PTK2B: variants seen among roughly 807,000 people sequenced by gnomAD.
PTK2B encodes protein tyrosine kinase 2 beta.
A neutral mutation model predicts 142.9 loss-of-function variants in PTK2B; 71 were observed. That is an observed-to-expected ratio of 0.50 (90% confidence interval 0.41 to 0.61). The LOEUF (loss-of-function observed/expected upper bound fraction) is 0.61. Ranked by LOEUF, PTK2B falls within the 20% of genes least tolerant of loss-of-function variation. The pLI is 0.00. For missense variants in PTK2B, 1,105 were observed against 1,320.4 expected (o/e 0.84, Z 2.53); for synonymous variants, 519 against 503.4 (o/e 1.03, Z -0.42).
At chr8:27,438,210 G>A (rs1322929334) in intron 18 of PTK2B, among the ~76,000 whole-genome samples, 2 of 152,196 alleles carry the variant, frequency 1.3e-5, no homozygotes, top group Non-Finnish European at 2.9e-5. Context: ...CCAGCTCCCT[G>A]GCTTGGTGGC....
Position 27,454,181 on chromosome 8 carries a change from C to T in PTK2B, c.2623C>T (p.Arg875Trp), listed in dbSNP as rs1434078062. The T allele has an allele frequency of 1.9e-6, 3 of 1,614,132 alleles. No individual in the cohort carries two copies. Among genetic ancestry groups the T allele is most frequent in the East Asian group, 2.2e-5 (1 of 44,872 alleles). ...CATCCAGCCCACAGCTAACCTGGACCGGACTGATGACCTGGTGTACCTCAA... is the reference window on the plus strand; with the variant it reads ...CATCCAGCCCACAGCTAACCTGGACTGGACTGATGACCTGGTGTACCTCAA... Reference protein sequence around the residue: ...QSIQPTANLDRTDDLVYLNVM... With the variant: ...QSIQPTANLDWTDDLVYLNVM... The change falls in exon 29 of 31, where the codon CGG becomes TGG. Residue 875 changes from arginine (R) to tryptophan (W), a missense_variant. By Grantham distance (101) the Arg-to-Trp change is moderately radical (BLOSUM62 -3). Transcript: ENST00000346049.
At chr8:27,367,430 C>G (rs1250289085) in intron 1 of PTK2B, among the ~76,000 whole-genome samples, 1 of 152,190 alleles carries the variant, frequency 6.6e-6, no homozygotes, top group Admixed American at 6.5e-5. Context: ...GGCTTGCCCA[C>G]CTGTCCATGT....
rs188313806 is a variant in PTK2B at position 27,378,922 on chromosome 8, C to T, written c.-37-18626C>T. On this transcript the variant is annotated intron_variant, in intron 1 of 30. Transcript: ENST00000346049. ...CTGACTTCCTGTGTGCTTCAGAAAC[C>T]TCAATGAACAAAGAGCTAAAGGAAG... Among the ~76,000 whole-genome samples, 434 of 152,190 alleles carry T rather than the reference C, an allele frequency of 2.9e-3. 2 individuals are homozygous for T. Among genetic ancestry groups the T allele is most frequent in the Non-Finnish European group, 4.6e-3 (312 of 68,010 alleles).
intron 24 of PTK2B, among the ~76,000 whole-genome samples, chr8:27,450,277 T>G (rs966940556): frequency 6.6e-6 from 1 of 152,184 alleles, no homozygotes; most frequent in African/African-American, 2.4e-5. Flanking sequence ...CCTTGGTCCT[T>G]AGGTGGAGAT....
upstream of PTK2B, among the ~76,000 whole-genome samples, chr8:27,323,619 G>A (rs1178972290): frequency 1.3e-5 from 2 of 152,096 alleles, no homozygotes; most frequent in African/African-American, 4.8e-5. Context: ...GGGCTCCTGA[G>A]GCATTTCTGA....
chr8:27,347,246 G>A lies in PTK2B; in HGVS notation c.-38+21565G>A, dbSNP rs78289091. On this transcript the variant is annotated intron_variant, in intron 1 of 30. Transcript: ENST00000346049. ...AAAAAAAAAATTAACCAAGCATGGT[G>A]GCATGCGCCTGTAATCCCAGCTACT... 7.8e-3 allele frequency among the ~76,000 whole-genome samples: 1,181 copies of A among 152,014 alleles called. 11 individuals are homozygous for A. The highest frequency in any genetic ancestry group is 0.027 in the African/African-American group (1,130 of 41,410).
At chr8:27,448,711 C>T (rs1020136138) in intron 24 of PTK2B, among the ~76,000 whole-genome samples, 1 of 152,222 alleles carries the variant, frequency 6.6e-6, no homozygotes, top group Non-Finnish European at 1.5e-5. Context: ...CCAGAAATCC[C>T]TAACTCTATA....
At chr8:27,447,734 C>T (rs1401964304) in intron 24 of PTK2B, among the ~76,000 whole-genome samples, 1 of 152,138 alleles carries the variant, frequency 6.6e-6, no homozygotes, top group Non-Finnish European at 1.5e-5. Flanking sequence ...GTAGTGTGCA[C>T]CTGTAATCCC....
chr8:27,389,694 G>A (rs1807592915), intron 1 of PTK2B, among the ~76,000 whole-genome samples: 3 of 152,202 alleles, frequency 2.0e-5, no homozygotes, highest in Non-Finnish European at 4.4e-5. Context: ...AATTATAGCT[G>A]GCAATAATCA....
exon 1 of PTK2B, chr8:27,311,630 G>C: frequency 4.5e-6 from 1 of 221,096 alleles, no homozygotes; most frequent in South Asian, 1.2e-4. Flanking sequence ...CCAATCCCCG[G>C]GAACCTCAGG....
rs990953643 is a variant in PTK2B at position 27,397,758 on chromosome 8, G to A, written c.174G>A (p.Leu58=). The change falls in exon 2 of 31, where the codon CTG becomes CTA. Residue 58 remains leucine (L), a synonymous_variant. Transcript: ENST00000346049. ...NSFNPGKNFK[L]VKCTVQTEIR... ...TCAATCCTGGGAAAAACTTCAAACT[G>A]GTCAAATGCACTGTCCAGACGGAGA... 2 of 1,614,110 alleles carry A rather than the reference G, an allele frequency of 1.2e-6. No individual in the cohort carries two copies. Among genetic ancestry groups the A allele is most frequent in the Non-Finnish European group, 1.7e-6 (2 of 1,180,044 alleles).
At chr8:27,373,874 G>A (rs779864676) in intron 1 of PTK2B, among the ~76,000 whole-genome samples, 3 of 151,760 alleles carry the variant, frequency 2.0e-5, no homozygotes, top group African/African-American at 4.8e-5. Context: ...TGAAAAATAC[G>A]CCTCTTGAAC....
chr8:27,446,050 A>G lies in PTK2B; in HGVS notation c.2340+131A>G, dbSNP rs578102359. On this transcript the variant is annotated intron_variant, in intron 24 of 30. Coordinates refer to ENST00000346049, the MANE Select transcript of PTK2B (RefSeq NM_173176.3). ...CCTGTTCCCATGCACCAGTCAGGCC[A>G]CTGAGGTGGCACTCTGTGACTTCCT... The G allele has an allele frequency of 5.3e-4, 722 of 1,353,282 alleles. 1 individual carries two copies. Among genetic ancestry groups the G allele is most frequent in the Non-Finnish European group, 6.7e-4 (671 of 996,564 alleles). The allele number at this position is 1,353,282 out of a possible 1,614,324, so 83.8% of individuals were successfully genotyped here. A position where few individuals can be genotyped will look rare whatever the true frequency, so the allele number is the denominator to read the frequency against.
intron 1 of PTK2B, among the ~76,000 whole-genome samples, chr8:27,341,344 T>C (rs1804387419): frequency 6.6e-6 from 1 of 152,162 alleles, no homozygotes; most frequent in Non-Finnish European, 1.5e-5. Context: ...GAGCTCACAC[T>C]CCGGAAACAT....
intron 1 of PTK2B, among the ~76,000 whole-genome samples, chr8:27,345,102 G>T (rs1161949796): frequency 2.0e-5 from 3 of 152,176 alleles, no homozygotes; most frequent in Non-Finnish European, 4.4e-5. Context: ...GCCAAAGGTT[G>T]CACTAAGCCA....
intron 1 of PTK2B, among the ~76,000 whole-genome samples, chr8:27,361,840 C>G (rs992779838): frequency 6.6e-6 from 1 of 152,078 alleles, no homozygotes; most frequent in African/African-American, 2.4e-5. Context: ...CCCCCTGCTC[C>G]GCTCCACACC....
At chr8:27,316,485 C>T (rs553080327) in intron 3 of PTK2B, among the ~76,000 whole-genome samples, 6 of 152,262 alleles carry the variant, frequency 3.9e-5, no homozygotes, top group African/African-American at 1.4e-4. Flanking sequence ...AAAAACAAAG[C>T]TGGTTTGACT....
chr8:27,365,678 A>ACAC (rs1427035958), intron 1 of PTK2B, among the ~76,000 whole-genome samples: 3 of 152,202 alleles, frequency 2.0e-5, no homozygotes, highest in Non-Finnish European at 1.5e-5. Context: ...AAATGAGTTA[A>ACAC]CATTTGTCAC....
intron 1 of PTK2B, among the ~76,000 whole-genome samples, chr8:27,353,620 G>A (rs755617592): frequency 6.6e-6 from 1 of 152,106 alleles, no homozygotes; most frequent in Non-Finnish European, 1.5e-5. Flanking sequence ...ACCTAGTAAT[G>A]GCAGACCAAG....
Sources: gnomAD v4.1 joint callset for allele counts (sites outside exome capture counted in the v4.1 genomes callset) on GRCh38, gnomAD v4.1.1 for gene constraint, MANE v1.5 for transcripts, NCBI Gene and HGNC (gene_info 2026-07-23, HGNC 2026-07-21) for gene names.